Variants in TENM3 observed in about 807,000 individuals in gnomAD.
TENM3 encodes teneurin transmembrane protein 3, also known as teneurin-3.
A neutral mutation model predicts 255.1 loss-of-function variants in TENM3; 63 were observed. That is an observed-to-expected ratio of 0.25 (90% CI 0.20 to 0.30). The LOEUF (loss-of-function observed/expected upper bound fraction) is 0.30. Ranked by LOEUF, TENM3 falls within the 10% of genes least tolerant of loss-of-function variation. The pLI is 1.00. For synonymous variants in TENM3, 1,306 were observed against 1,322.3 expected (o/e 0.99, Z 0.27); for missense variants, 2,929 against 3,461.1 (o/e 0.85, Z 3.86).
intron 12 of TENM3, among the ~76,000 whole-genome samples, chr4:182,692,705 C>A (rs1166507117): frequency 2.0e-5 from 3 of 152,116 alleles, no homozygotes; most frequent in Non-Finnish European, 2.9e-5. Flanking sequence ...ATATTTAAAT[C>A]CTGGAACAAG....
intron 1 of TENM3, among the ~76,000 whole-genome samples, chr4:182,287,068 A>G (rs1415866024): frequency 6.6e-6 from 1 of 152,076 alleles, no homozygotes; most frequent in Admixed American, 6.5e-5. Flanking sequence ...CTCTACAAAA[A>G]AGTTTAAAAA....
the TENM3 span, among the ~76,000 whole-genome samples, chr4:182,014,223 C>A: frequency 6.7e-6 from 1 of 149,908 alleles, no homozygotes; most frequent in Non-Finnish European, 1.5e-5. Context: ...ACTGTTGGTA[C>A]CCTGAAATTA....
At chr4:182,555,943 A>G (rs999949029) in intron 3 of TENM3, among the ~76,000 whole-genome samples, 1 of 152,044 alleles carries the variant, frequency 6.6e-6, no homozygotes, top group Non-Finnish European at 1.5e-5. Context: ...GAGTTTCTCT[A>G]AAAGAATAAC....
intron 24 of TENM3, among the ~76,000 whole-genome samples, chr4:182,783,688 T>C (rs1265767951): frequency 2.0e-5 from 3 of 152,050 alleles, no homozygotes; most frequent in African/African-American, 7.3e-5. Flanking sequence ...CACTTTCAGG[T>C]ACACCAATCA....
chr4:182,244,514 C>T (rs1757519277), intron 1 of TENM3, among the ~76,000 whole-genome samples: 1 of 152,172 alleles, frequency 6.6e-6, no homozygotes, highest in African/African-American at 2.4e-5. Context: ...TCCACAGCCT[C>T]CAGGGTAGCT....
chr4:181,971,040 T>C, the TENM3 span, among the ~76,000 whole-genome samples: 1 of 152,184 alleles, frequency 6.6e-6, no homozygotes, highest in Non-Finnish European at 1.5e-5. Context: ...CTCGAACTCC[T>C]GGGCTCAAGT....
chr4:182,335,902 G>A (rs948829246), intron 2 of TENM3, among the ~76,000 whole-genome samples: 6 of 152,120 alleles, frequency 3.9e-5, no homozygotes, highest in Non-Finnish European at 8.8e-5. Context: ...AAATTCACAC[G>A]GTCAGTAAAC....
At chr4:182,608,142 G>T (rs1392982518) in intron 4 of TENM3, among the ~76,000 whole-genome samples, 2 of 152,094 alleles carry the variant, frequency 1.3e-5, no homozygotes, top group African/African-American at 4.8e-5. Flanking sequence ...GTATGTATTT[G>T]TACATAAGTA....
At chr4:182,299,876 T>G (rs955508911) in intron 1 of TENM3, among the ~76,000 whole-genome samples, 3 of 151,586 alleles carry the variant, frequency 2.0e-5, no homozygotes, top group African/African-American at 7.3e-5. Flanking sequence ...CATTTTGATA[T>G]GAACAGAAGA....
chr4:181,987,001 A>G, the TENM3 span, among the ~76,000 whole-genome samples: 6 of 152,114 alleles, frequency 3.9e-5, no homozygotes, highest in Admixed American at 2.0e-4. Flanking sequence ...TGACTCCTGA[A>G]TCAGTATCTC....
intron 11 of TENM3, among the ~76,000 whole-genome samples, chr4:182,686,319 A>G (rs1445404946): frequency 6.6e-6 from 1 of 152,118 alleles, no homozygotes; most frequent in Non-Finnish European, 1.5e-5. Context: ...TATGCTTCCA[A>G]TCACACTGAA....
the TENM3 span, among the ~76,000 whole-genome samples, chr4:181,891,186 A>G: frequency 6.6e-6 from 1 of 152,252 alleles, no homozygotes; most frequent in East Asian, 1.9e-4. Context: ...TCATAAGCTC[A>G]AAAACGTAAA....
At chr4:182,285,404 T>A (rs1447568151) in intron 1 of TENM3, among the ~76,000 whole-genome samples, 1 of 152,188 alleles carries the variant, frequency 6.6e-6, no homozygotes, top group Non-Finnish European at 1.5e-5. Context: ...ACATTTACAG[T>A]CCACGTGTGT....
intron 1 of TENM3, among the ~76,000 whole-genome samples, chr4:182,248,660 T>A (rs1485833275): frequency 6.6e-6 from 1 of 152,194 alleles, no homozygotes; most frequent in Non-Finnish European, 1.5e-5. Flanking sequence ...AGCATCTGCA[T>A]TGAGTGGATT....
the TENM3 span, among the ~76,000 whole-genome samples, chr4:181,862,691 C>T: frequency 2.6e-5 from 4 of 152,122 alleles, no homozygotes; most frequent in Non-Finnish European, 5.9e-5. Flanking sequence ...ATGTGTTTTT[C>T]TAAATTGCTA....
chr4:182,358,374 T>G (rs1765711689), intron 3 of TENM3, among the ~76,000 whole-genome samples: 1 of 150,272 alleles, frequency 6.7e-6, no homozygotes, highest in South Asian at 2.2e-4. Context: ...TCCATTTGTT[T>G]GTATCCTCTT....
the TENM3 span, among the ~76,000 whole-genome samples, chr4:181,978,319 C>T: frequency 6.6e-6 from 1 of 152,204 alleles, no homozygotes; most frequent in African/African-American, 2.4e-5. Flanking sequence ...AGGGCTCAGC[C>T]ATAAGTGAAG....
intron 1 of TENM3, among the ~76,000 whole-genome samples, chr4:182,271,623 A>G (rs565487822): frequency 3.3e-5 from 5 of 152,340 alleles, no homozygotes; most frequent in Admixed American, 3.3e-4. Flanking sequence ...TTTCTTTGCT[A>G]TGTGTGATGC....
chr4:181,793,625 T>C, the TENM3 span, among the ~76,000 whole-genome samples: 1 of 152,184 alleles, frequency 6.6e-6, no homozygotes, highest in Admixed American at 6.5e-5. Context: ...GGTATAGAGC[T>C]AAAGAACTCA....
Sources: allele counts gnomAD v4.1 joint callset (sites outside exome capture counted in the v4.1 genomes callset), GRCh38; gene constraint gnomAD v4.1.1; transcripts MANE v1.5; gene names NCBI Gene and HGNC (gene_info 2026-07-23, HGNC 2026-07-21).